The following EDIL3 variants were observed in gnomAD, a reference collection of about 807,000 sequenced individuals.
The protein encoded by EDIL3 is EGF-like repeat and discoidin I-like domain-containing protein 3.
In EDIL3, 37 loss-of-function variants were observed where a neutral mutation model predicts 67.4. The observed-to-expected ratio is 0.55, with a 90% confidence interval of 0.42 to 0.72. The LOEUF (loss-of-function observed/expected upper bound fraction) is 0.72, where lower values mean the gene tolerates loss of function less well. Among genes scored for constraint, EDIL3 ranks in the 30% least tolerant of loss-of-function variants. The pLI, the probability that EDIL3 is intolerant of heterozygous loss-of-function variation, is 0.00. For missense variants in EDIL3, 527 were observed against 586.3 expected (o/e 0.90, Z 1.04); for synonymous variants, 195 against 196.3 (o/e 0.99, Z 0.05).
intron 1 of EDIL3, among the ~76,000 whole-genome samples, chr5:84,366,536 T>A (rs1432582622): frequency 6.6e-6 from 1 of 152,210 alleles, no homozygotes; most frequent in East Asian, 1.9e-4. Flanking sequence ...TTGTACATTT[T>A]TCTTTCACAT....
At chr5:84,107,149 T>C (rs1164148883) in intron 5 of EDIL3, among the ~76,000 whole-genome samples, 1 of 152,106 alleles carries the variant, frequency 6.6e-6, no homozygotes, top group Non-Finnish European at 1.5e-5. Flanking sequence ...TTAAAAGGCT[T>C]ATCTCATATT....
chr5:84,341,028 G>T (rs555855769), intron 1 of EDIL3, among the ~76,000 whole-genome samples: 1 of 152,002 alleles, frequency 6.6e-6, no homozygotes, highest in South Asian at 2.1e-4. Flanking sequence ...TTAACAGAAA[G>T]TTGCCCTCAT....
intron 4 of EDIL3, among the ~76,000 whole-genome samples, chr5:84,154,255 G>A (rs1037814739): frequency 6.6e-6 from 1 of 152,104 alleles, no homozygotes; most frequent in African/African-American, 2.4e-5. Flanking sequence ...GGATTTAAAT[G>A]TCATAAAACA....
intron 4 of EDIL3, among the ~76,000 whole-genome samples, chr5:84,165,351 A>G (rs1045990786): frequency 6.6e-6 from 1 of 152,114 alleles, no homozygotes; most frequent in Non-Finnish European, 1.5e-5. Context: ...GAAAGGTCAC[A>G]TATTTAGAGC....
chr5:84,074,691 A>G (rs1470477260), intron 6 of EDIL3, among the ~76,000 whole-genome samples: 1 of 152,042 alleles, frequency 6.6e-6, no homozygotes, highest in East Asian at 1.9e-4. Flanking sequence ...TTCAAAAGTC[A>G]GGAAACAACA....
chr5:84,256,549 G>A (rs1232384607), intron 1 of EDIL3, among the ~76,000 whole-genome samples: 1 of 152,152 alleles, frequency 6.6e-6, no homozygotes, highest in African/African-American at 2.4e-5. Flanking sequence ...GTAGGCCACT[G>A]TAGCTAGAAT....
At chr5:84,055,056 C>A (rs1445288147) in intron 9 of EDIL3, among the ~76,000 whole-genome samples, 2 of 146,408 alleles carry the variant, frequency 1.4e-5, no homozygotes, top group African/African-American at 5.4e-5. Context: ...TGACTTCAAA[C>A]TGTACTACAA....
At chr5:84,260,311 CGAA>C (rs1745203562) in intron 1 of EDIL3, among the ~76,000 whole-genome samples, 1 of 152,102 alleles carries the variant, frequency 6.6e-6, no homozygotes, top group Admixed American at 6.5e-5. Flanking sequence ...TAAAGCCTAA[CGAA>C]GAGCATTCTA....
intron 9 of EDIL3, among the ~76,000 whole-genome samples, chr5:83,971,283 T>C (rs1012417595): frequency 2.6e-5 from 4 of 151,442 alleles, no homozygotes; most frequent in Admixed American, 2.0e-4. Flanking sequence ...TTTTTCTTTT[T>C]TTTTTTTTTA....
chr5:84,249,299 A>G (rs1276527930), intron 2 of EDIL3, among the ~76,000 whole-genome samples: 1 of 152,062 alleles, frequency 6.6e-6, no homozygotes, highest in African/African-American at 2.4e-5. Flanking sequence ...ATTCCTTTAC[A>G]CTTAGCTTAA....
chr5:84,088,533 T>A (rs1000821983), intron 6 of EDIL3, among the ~76,000 whole-genome samples: 1 of 152,192 alleles, frequency 6.6e-6, no homozygotes, highest in African/African-American at 2.4e-5. Flanking sequence ...AATTCAGTAC[T>A]TCATCTCTTA....
chr5:84,217,861 C>T (rs1357396288), intron 3 of EDIL3, among the ~76,000 whole-genome samples: 1 of 151,808 alleles, frequency 6.6e-6, no homozygotes, highest in South Asian at 2.1e-4. Flanking sequence ...ATTTTATTCC[C>T]TTTAATAACC....
chr5:84,353,033 A>T (rs1015284442), intron 1 of EDIL3, among the ~76,000 whole-genome samples: 5 of 152,116 alleles, frequency 3.3e-5, no homozygotes, highest in African/African-American at 1.2e-4. Context: ...CAGGGATGAT[A>T]GTCAACATAT....
At chr5:84,007,235 C>A (rs1033821491) in intron 9 of EDIL3, among the ~76,000 whole-genome samples, 2 of 151,928 alleles carry the variant, frequency 1.3e-5, no homozygotes, top group Admixed American at 1.3e-4. Flanking sequence ...TGAGTGATAC[C>A]CCACAAGTAC....
intron 1 of EDIL3, among the ~76,000 whole-genome samples, chr5:84,273,471 G>A (rs1376984329): frequency 2.0e-5 from 3 of 152,172 alleles, no homozygotes; most frequent in Admixed American, 1.3e-4. Flanking sequence ...TGTAAAAAGT[G>A]AGGATAATAA....
At chr5:84,083,828 C>A (rs1049107156) in intron 6 of EDIL3, among the ~76,000 whole-genome samples, 1 of 152,242 alleles carries the variant, frequency 6.6e-6, no homozygotes, top group African/African-American at 2.4e-5. Flanking sequence ...AATGATTTTT[C>A]AATTCACACT....
In EDIL3 at chr5:83,943,496, T is replaced by C. The variant is rs765363548; in HGVS notation, c.1366A>G (p.Ile456Val). Reference sequence around the variant, plus strand: ...TACCAGGACCAAGGAAGGATTCTTATGTGTCGTGCATAGATGGGAGGGTCG... The same window carrying C: ...TACCAGGACCAAGGAAGGATTCTTACGTGTCGTGCATAGATGGGAGGGTCG... ...VIDPPIYARH[I>V]RILPWSWYGR... The change falls in exon 11 of 11, where the codon ATA becomes GTA. Residue 456 changes from isoleucine to valine, a missense_variant. Ile to Val is a conservative substitution (Grantham distance 29). Transcript: ENST00000296591. The C allele has an allele frequency of 1.4e-5, 22 of 1,612,734 alleles. No individual in the cohort carries two copies. The highest frequency in any genetic ancestry group is 2.7e-5 in the African/African-American group (2 of 74,818).
At chr5:84,306,598 G>A (rs901046871) in intron 1 of EDIL3, among the ~76,000 whole-genome samples, 1 of 152,138 alleles carries the variant, frequency 6.6e-6, no homozygotes, top group East Asian at 1.9e-4. Flanking sequence ...AGCTTACCAG[G>A]TTTGTACTAA....
At position 84,025,465 on chromosome 5, in the gene EDIL3, T is replaced by C. The variant is rs138059039; in HGVS notation, c.1137+34835A>G. Among the ~76,000 whole-genome samples, 1,286 of 152,242 alleles carry C rather than the reference T, an allele frequency of 8.4e-3. 8 individuals carry two copies. The highest frequency in any genetic ancestry group is 0.014 in the Non-Finnish European group (970 of 68,022). Reference sequence around the variant, plus strand: ...AAACAAGCTCAGGGCTCCCACTGACTCTATATTATGGTGAGTTGTATAATT... The same window carrying C: ...AAACAAGCTCAGGGCTCCCACTGACCCTATATTATGGTGAGTTGTATAATT... On this transcript the variant is annotated intron_variant, in intron 9 of 10. Coordinates refer to ENST00000296591, the MANE Select transcript of EDIL3 (RefSeq NM_005711.5).
Sources: allele counts gnomAD v4.1 joint callset (sites outside exome capture counted in the v4.1 genomes callset), GRCh38; gene constraint gnomAD v4.1.1; transcripts MANE v1.5; gene names NCBI Gene and HGNC (gene_info 2026-07-23, HGNC 2026-07-21).